Variants in ZNF487 observed in about 807,000 individuals in gnomAD.
ZNF487 encodes the protein zinc finger protein 487.
A neutral mutation model predicts 3.0 loss-of-function variants in ZNF487; 4 were observed. That is an observed-to-expected ratio of 1.35 (90% CI 0.66 to 3.08). The LOEUF (loss-of-function observed/expected upper bound fraction) is 3.08, where lower values mean the gene tolerates loss of function less well. Among genes scored for constraint, ZNF487 ranks in the 30% most tolerant of loss-of-function variants. The pLI is 0.01. For missense variants in ZNF487, 146 were observed against 98.7 expected (o/e 1.48, Z -2.03); for synonymous variants, 55 against 34.6 (o/e 1.59, Z -2.06).
chr10:43,501,491 G>A, the ZNF487 span, among the ~76,000 whole-genome samples: 1 of 152,100 alleles, frequency 6.6e-6, no homozygotes, highest in Non-Finnish European at 1.5e-5. Flanking sequence ...TGTAATCCTA[G>A]TACTTTGGGA....
chr10:43,442,513 G>A lies in ZNF487; in HGVS notation c.-94+5251G>A, dbSNP rs140229936. 6.2e-3 allele frequency among the ~76,000 whole-genome samples: 938 copies of A among 151,742 alleles called. 9 individuals carry two copies. Among genetic ancestry groups the A allele is most frequent in the African/African-American group, 0.018 (741 of 41,348 alleles). On this transcript the variant is annotated intron_variant, in intron 1 of 3. Coordinates refer to ENST00000437590, the MANE Select transcript of ZNF487 (RefSeq NM_001355444.3). ...GGCTGGAGTGCAGTGGCACGATCTC[G>A]GCTCACTGCAACCTCCACCCTCCGG...
At chr10:43,498,717 T>G in the ZNF487 span, among the ~76,000 whole-genome samples, 27,416 of 150,998 alleles carry the variant, frequency 0.18, 2,673 homozygotes, top group Non-Finnish European at 0.2. Flanking sequence ...CCTAGGCGGG[T>G]GGATCACGAG....
At chr10:43,494,765 CAAAAA>C in the ZNF487 span, among the ~76,000 whole-genome samples, 1 of 35,776 alleles carries the variant, frequency 2.8e-5, no homozygotes, top group Non-Finnish European at 5.7e-5. Context: ...ACTAAAAATA[CAAAAA>C]AAAAAAAAAA....
intron 1 of ZNF487, among the ~76,000 whole-genome samples, chr10:43,454,859 T>G (rs938669096): frequency 6.7e-6 from 1 of 149,492 alleles, no homozygotes; most frequent in African/African-American, 2.5e-5. Context: ...ACGTACACAT[T>G]GCTCCTATCA....
intron 3 of ZNF487, among the ~76,000 whole-genome samples, chr10:43,479,975 C>T (rs200868888): frequency 0.073 from 2,808 of 38,670 alleles, 111 homozygotes; most frequent in East Asian, 0.21. Context: ...TCTTTCTTTT[C>T]TTTCTTTCCT....
the ZNF487 span, among the ~76,000 whole-genome samples, chr10:43,508,056 C>CT: frequency 6.6e-6 from 1 of 152,300 alleles, no homozygotes; most frequent in South Asian, 2.1e-4. Context: ...CTGCCCGAGC[C>CT]TCCATTGCAA....
downstream of ZNF487, among the ~76,000 whole-genome samples, chr10:43,484,711 C>G (rs1194626055): frequency 1.3e-5 from 2 of 150,072 alleles, no homozygotes; most frequent in Non-Finnish European, 3.0e-5. Flanking sequence ...TTAAAAAAAT[C>G]TTGTACTGAA....
chr10:43,479,967 TTTCTTTTCTTTCTTTCCTTC>T (rs1289469909), intron 3 of ZNF487, among the ~76,000 whole-genome samples: 515 of 41,810 alleles, frequency 0.012, 23 homozygotes, highest in African/African-American at 0.019. Flanking sequence ...TCTTTCTTTC[TTTCTTTTCTTTCTTTCCTTC>T]TTTCTTTCTT....
the ZNF487 span, among the ~76,000 whole-genome samples, chr10:43,518,007 A>AGGCACTTTCAG: frequency 6.6e-6 from 1 of 152,228 alleles, no homozygotes; most frequent in Non-Finnish European, 1.5e-5. Flanking sequence ...CAGTCGTCCT[A>AGGCACTTTCAG]GCACTGGATG....
At chr10:43,455,680 C>A (rs189073977) in intron 1 of ZNF487, among the ~76,000 whole-genome samples, 2 of 152,342 alleles carry the variant, frequency 1.3e-5, no homozygotes, top group Non-Finnish European at 2.9e-5. Context: ...CGGCCCATTT[C>A]CGAGAGTGGC....
the ZNF487 span, among the ~76,000 whole-genome samples, chr10:43,490,723 G>A: frequency 6.7e-6 from 1 of 149,320 alleles, no homozygotes; most frequent in Non-Finnish European, 1.5e-5. Context: ...TGCCCAGGCT[G>A]GAGTGCAATG....
chr10:43,501,215 A>G, the ZNF487 span, among the ~76,000 whole-genome samples: 1 of 152,244 alleles, frequency 6.6e-6, no homozygotes, highest in East Asian at 1.9e-4. Flanking sequence ...TAAAAGATGA[A>G]AAAAAATGGT....
chr10:43,489,909 C>T, the ZNF487 span, among the ~76,000 whole-genome samples: 1 of 152,124 alleles, frequency 6.6e-6, no homozygotes, highest in East Asian at 1.9e-4. Context: ...TAGACTTAAA[C>T]AGTCACATCA....
At chr10:43,466,181 A>AGAGAGGGAGAGGGAGACCTTAGG (rs1554798617) in intron 1 of ZNF487, among the ~76,000 whole-genome samples, 1 of 135,392 alleles carries the variant, frequency 7.4e-6, no homozygotes, top group South Asian at 2.6e-4. Flanking sequence ...GACCGTGGAA[A>AGAGAGGGAGAGGGAGACCTTAGG]GAGAGGGAGA....
chr10:43,497,970 A>G, the ZNF487 span, among the ~76,000 whole-genome samples: 3 of 59,246 alleles, frequency 5.1e-5, no homozygotes, highest in Non-Finnish European at 9.6e-5. Context: ...CCGTCTCAAA[A>G]AAAAAGAAAA....
At chr10:43,468,081 T>C (rs1840770527) in intron 1 of ZNF487, among the ~76,000 whole-genome samples, 1 of 152,132 alleles carries the variant, frequency 6.6e-6, no homozygotes, top group Admixed American at 6.6e-5. Context: ...GATGTGGAAA[T>C]AGCATAACTA....
intron 1 of ZNF487, among the ~76,000 whole-genome samples, chr10:43,465,184 CG>C (rs1317257456): frequency 2.1e-5 from 3 of 141,504 alleles, no homozygotes; most frequent in Non-Finnish European, 4.6e-5. Context: ...GCTGGCCGGG[CG>C]GGGGGCTGAC....
At chr10:43,515,275 G>C in the ZNF487 span, among the ~76,000 whole-genome samples, 2 of 152,262 alleles carry the variant, frequency 1.3e-5, no homozygotes, top group East Asian at 3.9e-4. Context: ...TGGGACTTTA[G>C]TTATAGGTCT....
the ZNF487 span, among the ~76,000 whole-genome samples, chr10:43,520,557 G>T: frequency 1.6e-4 from 25 of 152,330 alleles, no homozygotes; most frequent in African/African-American, 6.0e-4. Flanking sequence ...ACCTTAGGGT[G>T]CATTTGTGGC....
Sources: allele counts gnomAD v4.1 joint callset (sites outside exome capture counted in the v4.1 genomes callset), GRCh38; gene constraint gnomAD v4.1.1; transcripts MANE v1.5; gene names NCBI Gene and HGNC (gene_info 2026-07-23, HGNC 2026-07-21).